Variants in CGRRF1 observed in about 807,000 individuals in gnomAD.
CGRRF1 encodes cell growth regulator with RING finger domain protein 1.
Under a neutral mutation model 37.2 loss-of-function variants are expected in CGRRF1, and 32 were observed. The observed-to-expected ratio is 0.86, with a 90% CI of 0.65 to 1.16. The LOEUF is 1.16. Ranked by LOEUF, CGRRF1 falls within the 50% of genes most tolerant of loss-of-function variation. The pLI is 0.00. For missense variants in CGRRF1, 391 were observed against 382.6 expected, an observed-to-expected ratio of 1.02 and a Z score of -0.18; for synonymous variants, 141 against 140.3, an observed-to-expected ratio of 1.00 and a Z score of -0.04.
intron 2 of CGRRF1, among the ~76,000 whole-genome samples, chr14:54,527,258 G>T (rs2032427735): frequency 6.6e-6 from 1 of 152,054 alleles, no homozygotes; most frequent in Non-Finnish European, 1.5e-5. Context: ...TAGTTTTGAT[G>T]GGGGTACTGA....
At chr14:54,510,129 A>T in intron 1 of CGRRF1, 66 bp downstream of exon 1, 1 of 1,240,508 alleles carries the variant, frequency 8.1e-7, no homozygotes, top group Non-Finnish European at 1.2e-6. Flanking sequence ...GACGAGCAGC[A>T]GGGGGCACCG....
At chr14:54,533,639 T>G (rs531401444) in intron 4 of CGRRF1, among the ~76,000 whole-genome samples, 29 of 152,168 alleles carry the variant, frequency 1.9e-4, no homozygotes, top group South Asian at 1.9e-3. Flanking sequence ...TTTAAAAAAT[T>G]TATTAATAAA....
Position 54,522,541 on chromosome 14 carries a change from C to A in CGRRF1, c.192C>A (p.Val64=). The A allele has an allele frequency of 6.2e-7, 1 of 1,606,370 alleles. No individual in the cohort carries two copies. Among genetic ancestry groups the A allele is most frequent in the Admixed American group, 1.7e-5 (1 of 58,434 alleles). ...TTTTCAAAAAGCAAATGAGACAAGTCAAGAATCCTTTTGGCTTAGAGATCA... is the reference window on the plus strand; with the variant it reads ...TTTTCAAAAAGCAAATGAGACAAGTAAAGAATCCTTTTGGCTTAGAGATCA... ...TRVFKKQMRQ[V]KNPFGLEITN... is the part of the protein sequence containing the mutation. The change falls in exon 2 of 6, where the codon GTC becomes GTA. Residue 64 remains valine (V), a synonymous_variant. Transcript: ENST00000216420.
At position 54,509,916 on chromosome 14, in the gene CGRRF1, G is replaced by C; in HGVS notation, c.-44G>C. On this transcript the variant is annotated 5_prime_UTR_variant, in exon 1 of 6. Coordinates refer to ENST00000216420, the MANE Select transcript of CGRRF1 (RefSeq NM_006568.3). The stretch of plus-strand genomic sequence containing the variant: ...GGGCGGGGCTCAGCCGGGCTGGGCT[G>C]GGCTCCGCGGCTGGAGCCGGGCTCT... 6.9e-7 allele frequency: 1 copy of C among 1,457,234 alleles called. No homozygotes were observed. Among genetic ancestry groups the C allele is most frequent in the Non-Finnish European group, 9.6e-7 (1 of 1,038,228 alleles). The allele number at this position is 1,457,234 out of a possible 1,614,324, so 90.3% of individuals were successfully genotyped here. A position where few individuals can be genotyped will look rare whatever the true frequency, so the allele number is the denominator to read the frequency against.
chr14:54,536,063 C>G (rs112518951), intron 4 of CGRRF1: 5 of 152,176 alleles, frequency 3.3e-5, no homozygotes, highest in Non-Finnish European at 4.4e-5. Context: ...ATCCCTTCCA[C>G]GCCATTCCCA....
chr14:54,510,788 G>T (rs543015900), intron 1 of CGRRF1, among the ~76,000 whole-genome samples: 1 of 152,306 alleles, frequency 6.6e-6, no homozygotes, highest in African/African-American at 2.4e-5. Flanking sequence ...AGATGCTATT[G>T]TATCATGTTT....
In CGRRF1 at chr14:54,522,319, C is replaced by T. The variant is rs546016412; in HGVS notation, c.105-135C>T. 1.1e-4 allele frequency: 63 copies of T among 597,024 alleles called. No individual in the cohort carries two copies. In the South Asian group the frequency reaches 1.5e-3, roughly 15 times the overall value. 37.0% of individuals were successfully genotyped at this position (597,024 alleles called of 1,614,324 possible). A position where few individuals can be genotyped will look rare whatever the true frequency, so the allele number is the denominator to read the frequency against. ...CAGTTCTGTGGGATCTCTAAAATAA[C>T]GTAAATTGAGAAATTTAACCTCTTT... On this transcript the variant is annotated intron_variant, in intron 1 of 5. Transcript: ENST00000216420.
chr14:54,531,597 T>G (rs928017719), intron 4 of CGRRF1, among the ~76,000 whole-genome samples: 2 of 152,160 alleles, frequency 1.3e-5, no homozygotes, highest in Non-Finnish European at 2.9e-5. Context: ...ATCCACTCTT[T>G]TTTTGCCTGC....
At position 54,531,762 on chromosome 14, in the gene CGRRF1, A is replaced by G. The variant is rs377353049; in HGVS notation, c.570+712A>G. ...TGATTCCTATTAGGAAGTTAAAAGT[A>G]TCTTAGAGATCTAAGAGGACTGAAA... On this transcript the variant is annotated intron_variant, in intron 4 of 5. Coordinates refer to ENST00000216420, the MANE Select transcript of CGRRF1 (RefSeq NM_006568.3). Among the ~76,000 whole-genome samples the G allele has an allele frequency of 1.2e-4, 19 of 152,276 alleles. 1 individual carries two copies. In the South Asian group the frequency reaches 3.7e-3, roughly 30 times the overall value.
chr14:54,521,477 T>A (rs1041677552), intron 1 of CGRRF1, among the ~76,000 whole-genome samples: 1 of 151,554 alleles, frequency 6.6e-6, no homozygotes, highest in East Asian at 1.9e-4. Flanking sequence ...AAAAAAAAGT[T>A]CCGTTGTCCC....
At chr14:54,517,783 C>G (rs1594647835) in intron 1 of CGRRF1, among the ~76,000 whole-genome samples, 1 of 152,166 alleles carries the variant, frequency 6.6e-6, no homozygotes, top group East Asian at 1.9e-4. Flanking sequence ...CCCCAGCTCC[C>G]ACCCTGATGG....
chr14:54,515,182 G>A (rs1338062078), intron 1 of CGRRF1, among the ~76,000 whole-genome samples: 1 of 148,596 alleles, frequency 6.7e-6, no homozygotes, highest in Non-Finnish European at 1.5e-5. Flanking sequence ...TCCGCCTCCT[G>A]GATTCAAGCA....
At chr14:54,511,545 C>G (rs1236945510) in intron 1 of CGRRF1, among the ~76,000 whole-genome samples, 1 of 152,210 alleles carries the variant, frequency 6.6e-6, no homozygotes, top group Non-Finnish European at 1.5e-5. Flanking sequence ...AAAATAGTAA[C>G]TAGTTGATAA....
chr14:54,532,153 A>AT (rs924306177), intron 4 of CGRRF1, among the ~76,000 whole-genome samples: 11 of 151,868 alleles, frequency 7.2e-5, no homozygotes, highest in African/African-American at 2.2e-4. Context: ...TTTTGAGTTT[A>AT]TTTTTTTTAG....
Position 54,530,239 on chromosome 14 carries a change from C to G in CGRRF1, c.422+13C>G, listed in dbSNP as rs1428761478. The G allele has an allele frequency of 1.3e-6, 2 of 1,574,296 alleles. No individual in the cohort carries two copies. The highest frequency in any genetic ancestry group is 1.7e-4 in the Middle Eastern group (1 of 5,910). ...AGGAACAGTATTTGTATCCTTTCGT[C>G]TGATATACCCATTAGCACTGAAAAT... On this transcript the variant is annotated intron_variant, in intron 3 of 5. Transcript: ENST00000216420.
intron 1 of CGRRF1, among the ~76,000 whole-genome samples, chr14:54,518,680 G>T (rs752470657): frequency 2.0e-5 from 3 of 151,786 alleles, no homozygotes. Flanking sequence ...GTTTTGATTT[G>T]CATTTCTCTA....
At chr14:54,517,600 G>A (rs1182402050) in intron 1 of CGRRF1, among the ~76,000 whole-genome samples, 1 of 151,934 alleles carries the variant, frequency 6.6e-6, no homozygotes, top group Non-Finnish European at 1.5e-5. Flanking sequence ...ATTATTTTTA[G>A]TTGAGTATTT....
chr14:54,523,001 T>G (rs1367190204), intron 2 of CGRRF1: 2 of 153,574 alleles, frequency 1.3e-5, no homozygotes, highest in Non-Finnish European at 2.9e-5. Context: ...AGATTCTTAC[T>G]CTGTCATCCA....
intron 2 of CGRRF1, among the ~76,000 whole-genome samples, chr14:54,527,759 T>TGG (rs2032438399): frequency 1.3e-5 from 2 of 151,772 alleles, no homozygotes; most frequent in African/African-American, 4.8e-5. Flanking sequence ...ATTGTTCTTT[T>TGG]TTTTTTTTTC....
Sources: gnomAD v4.1 joint callset for allele counts (sites outside exome capture counted in the v4.1 genomes callset) on GRCh38, gnomAD v4.1.1 for gene constraint, MANE v1.5 for transcripts, NCBI Gene and HGNC (gene_info 2026-07-23, HGNC 2026-07-21) for gene names.